PARP8: variants seen among roughly 807,000 people sequenced by gnomAD.
PARP8 encodes poly(ADP-ribose) polymerase family member 8, also known as protein mono-ADP-ribosyltransferase PARP8.
A neutral mutation model predicts 124.1 loss-of-function variants in PARP8; 51 were observed. The observed-to-expected ratio is 0.41, with a 90% CI of 0.33 to 0.52. The LOEUF (loss-of-function observed/expected upper bound fraction) is 0.52. Among genes scored for constraint, PARP8 ranks in the 20% least tolerant of loss-of-function variants. The pLI is 0.21. For missense variants in PARP8, 860 were observed against 1,018.9 expected, an observed-to-expected ratio of 0.84 and a Z score of 2.12; for synonymous variants, 391 against 361.5, an observed-to-expected ratio of 1.08 and a Z score of -0.93.
chr5:50,778,139 A>C lies in PARP8; in HGVS notation c.579+10A>C, dbSNP rs1740244080. The C allele has an allele frequency of 6.5e-7, 1 of 1,538,672 alleles. No homozygotes were observed. Among genetic ancestry groups the C allele is most frequent in the African/African-American group, 1.4e-5 (1 of 72,840 alleles). ...TGTTAGCTTTCTTGATGTAAGTATCAATTTTATGTAATATGAATGGTGCAT... is the reference window on the plus strand; with the variant it reads ...TGTTAGCTTTCTTGATGTAAGTATCCATTTTATGTAATATGAATGGTGCAT... On this transcript the variant is annotated intron_variant, in intron 8 of 25. Coordinates refer to ENST00000281631, the MANE Select transcript of PARP8 (RefSeq NM_024615.4).
chr5:50,740,927 C>T (rs539764114), intron 2 of PARP8, among the ~76,000 whole-genome samples: 29 of 152,064 alleles, frequency 1.9e-4, no homozygotes, highest in African/African-American at 6.0e-4. Context: ...ATCATACTAT[C>T]GAAGTTCTTT....
intron 11 of PARP8, 78 bp from the exon 12 acceptor site, chr5:50,794,775 G>T: frequency 7.7e-7 from 1 of 1,305,468 alleles, no homozygotes; most frequent in Non-Finnish European, 1.1e-6. Flanking sequence ...GCACAGTCGA[G>T]TTTGAGCATG....
intron 3 of PARP8, 59 bp from the exon 4 acceptor site, chr5:50,759,584 G>C: frequency 6.9e-7 from 1 of 1,440,076 alleles, no homozygotes; most frequent in Non-Finnish European, 9.1e-7. Flanking sequence ...TATTATTTTT[G>C]TAAAGGATGT....
At chr5:50,728,951 A>G (rs1329957042) in intron 2 of PARP8, among the ~76,000 whole-genome samples, 1 of 152,110 alleles carries the variant, frequency 6.6e-6, no homozygotes, top group Non-Finnish European at 1.5e-5. Flanking sequence ...TGAAAAAGGC[A>G]ACTTATTATC....
chr5:50,708,299 C>G (rs1173197590), intron 2 of PARP8, among the ~76,000 whole-genome samples: 1 of 152,058 alleles, frequency 6.6e-6, no homozygotes, highest in Non-Finnish European at 1.5e-5. Context: ...TGATGCACAT[C>G]TGTTGTCATG....
intron 21 of PARP8, 111 bp from the exon 22 acceptor site, chr5:50,829,781 G>A: frequency 9.3e-7 from 1 of 1,071,102 alleles, no homozygotes; most frequent in Non-Finnish European, 1.3e-6. Flanking sequence ...TAGAAGCTCT[G>A]TCATTTTTTT....
intron 12 of PARP8, among the ~76,000 whole-genome samples, chr5:50,795,782 A>G (rs1254269297): frequency 6.6e-6 from 1 of 152,262 alleles, no homozygotes; most frequent in East Asian, 1.9e-4. Flanking sequence ...TGGTCTTCTC[A>G]CATGAGTGGT....
intron 2 of PARP8, among the ~76,000 whole-genome samples, chr5:50,703,299 CAAAAAA>C: frequency 1.7e-5 from 2 of 117,542 alleles, no homozygotes; most frequent in East Asian, 4.9e-4. Context: ...GACCGTGTCT[CAAAAAA>C]AAAAAAAAAA....
chr5:50,755,940 G>T (rs933615349), intron 3 of PARP8, among the ~76,000 whole-genome samples: 17 of 152,190 alleles, frequency 1.1e-4, no homozygotes, highest in African/African-American at 4.1e-4. Context: ...TCTCTTTGAA[G>T]CAATTATGAA....
chr5:50,722,778 A>AC (rs1756035130), intron 2 of PARP8, among the ~76,000 whole-genome samples: 1 of 151,850 alleles, frequency 6.6e-6, no homozygotes, highest in African/African-American at 2.4e-5. Context: ...ATCTGGTATG[A>AC]CCCCAGCTCT....
chr5:50,835,106 A>G, intron 25 of PARP8, 91 bp downstream of exon 25: 1 of 956,608 alleles, frequency 1.0e-6, no homozygotes, highest in South Asian at 1.4e-5. Flanking sequence ...TTTAGCTGCC[A>G]AAATATAACA....
intron 14 of PARP8, among the ~76,000 whole-genome samples, chr5:50,804,311 T>C (rs1743576847): frequency 1.3e-5 from 2 of 152,190 alleles, no homozygotes; most frequent in Non-Finnish European, 2.9e-5. Context: ...TCCAGAGAAC[T>C]ATCAGACAGC....
At chr5:50,804,191 C>CGCTA (rs1743560753) in intron 14 of PARP8, among the ~76,000 whole-genome samples, 1 of 152,160 alleles carries the variant, frequency 6.6e-6, no homozygotes, top group Non-Finnish European at 1.5e-5. Context: ...TTGCCTCACA[C>CGCTA]AACTAAAACG....
chr5:50,778,548 A>G lies in PARP8; in HGVS notation c.580-12A>G, dbSNP rs746837252. 1.3e-5 allele frequency: 20 copies of G among 1,576,882 alleles called. No individual in the cohort carries two copies. The Admixed American group carries it at 3.3e-4, about 26-fold the overall frequency. Reference sequence around the variant, plus strand: ...AAGATGATTAATTCATCTTTTAAATATATTTGTGCAGGAGGAGATTGCTGT... The same window carrying G: ...AAGATGATTAATTCATCTTTTAAATGTATTTGTGCAGGAGGAGATTGCTGT... On this transcript the variant is annotated splice_polypyrimidine_tract_variant and intron_variant, in intron 8 of 25. Transcript: ENST00000281631.
chr5:50,787,048 A>C (rs537923217), intron 9 of PARP8, among the ~76,000 whole-genome samples: 2 of 152,256 alleles, frequency 1.3e-5, no homozygotes, highest in African/African-American at 4.8e-5. Flanking sequence ...CATTGTAGGA[A>C]TTGGTAAATT....
At chr5:50,812,401 G>A (rs1289287459) in intron 14 of PARP8, among the ~76,000 whole-genome samples, 2 of 152,208 alleles carry the variant, frequency 1.3e-5, no homozygotes, top group African/African-American at 4.8e-5. Context: ...CTTTTGAGAA[G>A]TGTCTGTTCG....
At chr5:50,730,051 G>A (rs904024215) in intron 2 of PARP8, among the ~76,000 whole-genome samples, 3 of 152,122 alleles carry the variant, frequency 2.0e-5, no homozygotes, top group Non-Finnish European at 4.4e-5. Flanking sequence ...ATTAGAAAGT[G>A]TTTTTGCTTG....
chr5:50,786,630 A>G (rs1179739688), intron 9 of PARP8, among the ~76,000 whole-genome samples: 1 of 151,702 alleles, frequency 6.6e-6, no homozygotes, highest in Non-Finnish European at 1.5e-5. Flanking sequence ...AGCCTCCCAA[A>G]GTATTGGGGT....
chr5:50,780,161 T>G lies in PARP8; in HGVS notation c.670+1511T>G, dbSNP rs1740507515. On this transcript the variant is annotated intron_variant, in intron 9 of 25. Transcript: ENST00000281631. ...AGCTATGCACCTTAATGTTAAGTCA[T>G]GAGGCTGTCTTCAAGTCATTAAATA... 3.9e-5 allele frequency among the ~76,000 whole-genome samples: 6 copies of G among 152,312 alleles called. No individual in the cohort carries two copies. In the South Asian group the frequency reaches 1.2e-3, roughly 32 times the overall value.
Sources: gnomAD v4.1 joint callset for allele counts (sites outside exome capture counted in the v4.1 genomes callset) on GRCh38, gnomAD v4.1.1 for gene constraint, MANE v1.5 for transcripts, NCBI Gene and HGNC (gene_info 2026-07-23, HGNC 2026-07-21) for gene names.